Variants in AFF3 observed in about 807,000 individuals in gnomAD.
The protein encoded by AFF3 is ALF transcription elongation factor 3.
AFF3 carries 32 observed loss-of-function variants against 129.7 expected under a neutral mutation model. That is an observed-to-expected ratio of 0.25 (90% confidence interval 0.19 to 0.33). The LOEUF (loss-of-function observed/expected upper bound fraction) is 0.33, where lower values mean the gene tolerates loss of function less well. Ranked by LOEUF, AFF3 falls within the 10% of genes least tolerant of loss-of-function variation. The pLI, the probability that AFF3 is intolerant of heterozygous loss-of-function variation, is 1.00. For missense variants in AFF3, 1,373 were observed against 1,592.0 expected (o/e 0.86, Z 2.34); for synonymous variants, 644 against 635.4 (o/e 1.01, Z -0.20).
intron 2 of AFF3, chr2:100,105,788 C>G: frequency 7.4e-7 from 1 of 1,356,200 alleles, no homozygotes; most frequent in Non-Finnish European, 9.8e-7. Context: ...ACCTCTTGGC[C>G]ACAGCTCCGG....
rs181607114 is a variant in AFF3 at position 100,069,912 on chromosome 2, G to C, written c.53+34490C>G. ...ACATATCTCCCCATTCTCAGGTAAA[G>C]ATAAAAGATCCCATGTCTCTTCTCC... On this transcript the variant is annotated intron_variant, in intron 4 of 24. Coordinates refer to ENST00000672756, the MANE Select transcript of AFF3 (RefSeq NM_001386135.1). Among the ~76,000 whole-genome samples the C allele has an allele frequency of 3.3e-3, 498 of 152,270 alleles. 4 individuals carry two copies. The highest frequency in any genetic ancestry group is 0.011 in the African/African-American group (473 of 41,562).
At chr2:99,860,470 G>C in intron 7 of AFF3, among the ~76,000 whole-genome samples, 1 of 151,842 alleles carries the variant, frequency 6.6e-6, no homozygotes, top group Non-Finnish European at 1.5e-5. Context: ...AGGAGAATAG[G>C]GTGAACCTGG....
At chr2:99,569,710 C>T (rs987350033) in intron 18 of AFF3, among the ~76,000 whole-genome samples, 3 of 151,772 alleles carry the variant, frequency 2.0e-5, no homozygotes, top group South Asian at 2.1e-4. Context: ...GTGTTTAGCC[C>T]GATAGATTAA....
At chr2:99,832,810 C>A (rs1258815035) in intron 8 of AFF3, among the ~76,000 whole-genome samples, 2 of 152,140 alleles carry the variant, frequency 1.3e-5, no homozygotes, top group Admixed American at 1.3e-4. Context: ...TTTGCTACAG[C>A]AAGTAATGGG....
At chr2:99,568,741 C>A (rs138469162) in intron 19 of AFF3, 111 bp downstream of exon 19, 1 of 1,079,730 alleles carries the variant, frequency 9.3e-7, no homozygotes. Flanking sequence ...TGAACAGACC[C>A]GGCCATCCTT....
chr2:99,991,901 TCAAAAA>T (rs1224564685), intron 7 of AFF3, among the ~76,000 whole-genome samples: 3 of 144,498 alleles, frequency 2.1e-5, no homozygotes, highest in Non-Finnish European at 4.5e-5. Context: ...AGATTTTGTC[TCAAAAA>T]CAAAAACAAA....
chr2:100,107,680 T>C (rs1049561560), intron 2 of AFF3, among the ~76,000 whole-genome samples: 1 of 152,018 alleles, frequency 6.6e-6, no homozygotes, highest in Non-Finnish European at 1.5e-5. Context: ...GCTTCCCGGG[T>C]CAGGTTGGTT....
At chr2:99,966,831 G>T (rs1279246980) in intron 7 of AFF3, among the ~76,000 whole-genome samples, 1 of 148,534 alleles carries the variant, frequency 6.7e-6, no homozygotes. Context: ...GAAAATAATT[G>T]ATTCTGATTT....
intron 4 of AFF3, among the ~76,000 whole-genome samples, chr2:100,032,464 G>A (rs905316978): frequency 1.3e-5 from 2 of 152,024 alleles, no homozygotes; most frequent in Non-Finnish European, 2.9e-5. Flanking sequence ...GAGATTCTGG[G>A]ATTCTAGCTG....
At chr2:99,820,658 T>A (rs1309076659) in intron 8 of AFF3, among the ~76,000 whole-genome samples, 3 of 149,608 alleles carry the variant, frequency 2.0e-5, no homozygotes, top group Non-Finnish European at 3.0e-5. Context: ...TTTTGACTCT[T>A]TTGTAATAAC....
At chr2:100,128,799 GTAGT>G (rs1559138271) in intron 2 of AFF3, among the ~76,000 whole-genome samples, 1 of 152,224 alleles carries the variant, frequency 6.6e-6, no homozygotes, top group Non-Finnish European at 1.5e-5. Context: ...GTTGCCAGAA[GTAGT>G]TAAAGAGTTG....
At chr2:99,624,856 G>A (rs974108186) in intron 13 of AFF3, among the ~76,000 whole-genome samples, 8 of 152,236 alleles carry the variant, frequency 5.3e-5, no homozygotes, top group Non-Finnish European at 1.2e-4. Context: ...CTCCGGAGAC[G>A]AAGGCGGGAG....
chr2:99,793,446 T>A (rs1685349337), intron 8 of AFF3, among the ~76,000 whole-genome samples: 1 of 152,230 alleles, frequency 6.6e-6, no homozygotes, highest in South Asian at 2.1e-4. Context: ...GAATTACAAA[T>A]TCAATTTCAT....
In AFF3 at chr2:99,648,909, A is replaced by ACTCTCTCTCTCTCTCTCT. The variant is rs1553416890; in HGVS notation, c.1184+716_1184+717insAGAGAGAGAGAGAGAGAG. ...CGCACACACACACACACACACACACACACACACACTCTCTCTCTCTCTCTC... is the reference window on the plus strand; with the variant it reads ...CGCACACACACACACACACACACACACTCTCTCTCTCTCTCTCTCACACACACTCTCTCTCTCTCTCTC... On this transcript the variant is annotated intron_variant, in intron 13 of 24. Coordinates refer to ENST00000672756, the MANE Select transcript of AFF3 (RefSeq NM_001386135.1). Among the ~76,000 whole-genome samples, 15 of 43,076 alleles carry ACTCTCTCTCTCTCTCTCT rather than the reference A, an allele frequency of 3.5e-4. No homozygotes were observed. In the East Asian group the frequency reaches 7.4e-3, roughly 21 times the overall value. 28.3% of individuals were successfully genotyped at this position (43,076 alleles called of 152,430 possible).
At chr2:99,985,293 T>A (rs562526150) in intron 7 of AFF3, among the ~76,000 whole-genome samples, 1 of 152,354 alleles carries the variant, frequency 6.6e-6, no homozygotes, top group East Asian at 1.9e-4. Flanking sequence ...TCTACCAAAT[T>A]CACTTTCTTT....
At chr2:100,079,081 A>C (rs779547732) in intron 4 of AFF3, among the ~76,000 whole-genome samples, 2 of 150,992 alleles carry the variant, frequency 1.3e-5, no homozygotes, top group Non-Finnish European at 2.9e-5. Context: ...CGAGTAGCTG[A>C]GACTATAGGT....
At chr2:99,928,963 A>G (rs1223590462) in intron 7 of AFF3, among the ~76,000 whole-genome samples, 3 of 152,234 alleles carry the variant, frequency 2.0e-5, no homozygotes, top group Non-Finnish European at 4.4e-5. Context: ...ACACCACAGG[A>G]GCCACACTTT....
chr2:99,890,038 C>T (rs1436953750), intron 7 of AFF3, among the ~76,000 whole-genome samples: 1 of 152,200 alleles, frequency 6.6e-6, no homozygotes, highest in African/African-American at 2.4e-5. Context: ...TGCGTGTGCA[C>T]AGGCGAGTTC....
chr2:99,780,692 C>A (rs1264398528), intron 8 of AFF3, among the ~76,000 whole-genome samples: 3 of 152,206 alleles, frequency 2.0e-5, no homozygotes, highest in African/African-American at 7.2e-5. Flanking sequence ...ATGGCAACTT[C>A]ATTCTTCCAT....
Sources: allele counts gnomAD v4.1 joint callset (sites outside exome capture counted in the v4.1 genomes callset), GRCh38; gene constraint gnomAD v4.1.1; transcripts MANE v1.5; gene names NCBI Gene and HGNC (gene_info 2026-07-23, HGNC 2026-07-21).